Variants in MTR observed in about 807,000 individuals in gnomAD.
The protein encoded by MTR is 5-methyltetrahydrofolate-homocysteine methyltransferase, also known as methionine synthase.
Under a neutral mutation model 154.8 loss-of-function variants are expected in MTR, and 84 were observed. The ratio of observed to expected loss-of-function variants is 0.54; its 90% CI spans 0.45 to 0.65. The LOEUF (loss-of-function observed/expected upper bound fraction) is 0.65. Ranked by LOEUF, MTR falls within the 30% of genes least tolerant of loss-of-function variation. MTR has a pLI of 0.00. For missense variants in MTR, 1,275 were observed against 1,570.2 expected, an observed-to-expected ratio of 0.81 and a Z score of 3.18; for synonymous variants, 554 against 553.9, an observed-to-expected ratio of 1.00 and a Z score of 0.00.
Position 236,898,491 on chromosome 1 carries a change from C to G in MTR, c.*847C>G, listed in dbSNP as rs926699768. ...CTCGGCTCATAGCAAGCTCCGCCTC[C>G]TGGGTTCATGCCATTCTCCTGCCTC... On this transcript the variant is annotated 3_prime_UTR_variant, in exon 33 of 33. Coordinates refer to ENST00000366577, the MANE Select transcript of MTR (RefSeq NM_000254.3). 2 of 151,842 alleles carry G rather than the reference C, an allele frequency of 1.3e-5. No homozygotes were observed. The highest frequency in any genetic ancestry group is 2.9e-5 in the Non-Finnish European group (2 of 68,020). The allele number at this position is 151,842 out of a possible 1,614,324, so 9.4% of individuals were successfully genotyped here.
At chr1:236,815,824 T>TA (rs1242867004) in intron 7 of MTR, among the ~76,000 whole-genome samples, 161 bp downstream of exon 7, 1 of 152,164 alleles carries the variant, frequency 6.6e-6, no homozygotes, top group Non-Finnish European at 1.5e-5. Context: ...TCTGGACCAA[T>TA]AACAGTCTTA....
chr1:236,834,609 A>T (rs1038971342), intron 13 of MTR, among the ~76,000 whole-genome samples: 4 of 147,662 alleles, frequency 2.7e-5, no homozygotes, highest in Admixed American at 1.4e-4. Flanking sequence ...AAAAGTTTCT[A>T]TTTTTTTTTT....
At chr1:236,803,359 T>C in intron 1 of MTR, 69 bp from the exon 2 acceptor site, 1 of 1,439,162 alleles carries the variant, frequency 6.9e-7, no homozygotes, top group Non-Finnish European at 9.7e-7. Context: ...TAAATTTCTC[T>C]AAAGCTCCTC....
rs1558286666 is a variant in MTR, at chr1:236,821,790, G to A, written c.765-2329G>A. Among the ~76,000 whole-genome samples, 8 of 152,302 alleles carry A rather than the reference G, an allele frequency of 5.3e-5. No individual in the cohort carries two copies. The South Asian group carries it at 1.7e-3, about 32-fold the overall frequency. On this transcript the variant is annotated intron_variant, in intron 8 of 32. Coordinates refer to ENST00000366577, the MANE Select transcript of MTR (RefSeq NM_000254.3). ...CTTTTTCAAATGCAGATGCCCAGTT[G>A]TTCCAGCACCATTTATTGGAAAGAA...
intron 18 of MTR, among the ~76,000 whole-genome samples, chr1:236,854,981 C>CCT (rs2103264780): frequency 6.6e-6 from 1 of 152,256 alleles, no homozygotes; most frequent in African/African-American, 2.4e-5. Flanking sequence ...AAGCCACTGA[C>CCT]CTCTCTGTCA....
chr1:236,799,735 T>TA (rs1235167680), intron 1 of MTR, among the ~76,000 whole-genome samples: 1 of 151,858 alleles, frequency 6.6e-6, no homozygotes. Context: ...TATTTTTGTC[T>TA]ATGGTGACTT....
intron 29 of MTR, 150 bp from the exon 30 acceptor site, chr1:236,894,207 T>G (rs1666490683): frequency 2.8e-6 from 2 of 715,052 alleles, no homozygotes; most frequent in Middle Eastern, 2.9e-4. Flanking sequence ...TTCCAAGTAC[T>G]GGGGATGTAA....
At chr1:236,806,375 G>A (rs1660986444) in intron 3 of MTR, 142 bp downstream of exon 3, 1 of 746,978 alleles carries the variant, frequency 1.3e-6, no homozygotes, top group Admixed American at 2.0e-5. Flanking sequence ...AGGGAAAATG[G>A]TGTGAATCCT....
chr1:236,828,885 C>T (rs903308123), intron 11 of MTR, among the ~76,000 whole-genome samples: 1 of 151,986 alleles, frequency 6.6e-6, no homozygotes, highest in Non-Finnish European at 1.5e-5. Context: ...AGGAAGTTTG[C>T]TGTTTGTATT....
chr1:236,825,133 C>T (rs1259329843), intron 9 of MTR, among the ~76,000 whole-genome samples: 1 of 76,106 alleles, frequency 1.3e-5, no homozygotes, highest in African/African-American at 6.0e-5. Flanking sequence ...GTTCATTTTC[C>T]TCTGTGATTT....
chr1:236,886,280 G>GT lies in MTR; in HGVS notation c.2776-6dup, dbSNP rs1206652090. 3 of 1,612,768 alleles carry GT rather than the reference G, an allele frequency of 1.9e-6. No individual in the cohort carries two copies. Among genetic ancestry groups the GT allele is most frequent in the East Asian group, 2.2e-5 (1 of 44,890 alleles). On this transcript the variant is annotated splice_polypyrimidine_tract_variant and intron_variant, in intron 26 of 32. Transcript: ENST00000366577. The stretch of plus-strand genomic sequence containing the variant: ...AAGAGTGTCTAACTAATTTTTCTTT[G>GT]TTTTTTAACAGGAGAGGAGATACTT...
chr1:236,833,487 G>A (rs1351710738), intron 13 of MTR, among the ~76,000 whole-genome samples: 1 of 152,118 alleles, frequency 6.6e-6, no homozygotes, highest in Non-Finnish European at 1.5e-5. Context: ...GGCTTGGGGA[G>A]GTTAAATGAC....
At chr1:236,845,616 T>G (rs896901066) in intron 15 of MTR, among the ~76,000 whole-genome samples, 7 of 152,168 alleles carry the variant, frequency 4.6e-5, no homozygotes, top group Non-Finnish European at 7.4e-5. Flanking sequence ...CCAACATTAT[T>G]GAAAATGTAA....
chr1:236,852,699 A>T, intron 17 of MTR, 62 bp downstream of exon 17: 1 of 1,459,606 alleles, frequency 6.9e-7, no homozygotes, highest in Non-Finnish European at 9.6e-7. Context: ...GGGGTTTTCA[A>T]AGTGTGGCAT....
At chr1:236,813,646 A>G (rs945072629) in intron 6 of MTR, among the ~76,000 whole-genome samples, 12 of 152,020 alleles carry the variant, frequency 7.9e-5, no homozygotes, top group African/African-American at 2.7e-4. Flanking sequence ...ATCTTTCTTC[A>G]GTTTTAGAGC....
chr1:236,829,453 A>C lies in MTR; in HGVS notation c.1075+185A>C, dbSNP rs2275400. Among the ~76,000 whole-genome samples the C allele has an allele frequency of 2.8e-3, 427 of 152,304 alleles. 22 individuals carry two copies. The East Asian group carries it at 0.074, about 27-fold the overall frequency. ...GTTTTTCCAGGGCTGGGGCAAGATG[A>C]CGTCAACTTTAGGGTAAAAGTGAAG... On this transcript the variant is annotated intron_variant, in intron 12 of 32. Coordinates refer to ENST00000366577, the MANE Select transcript of MTR (RefSeq NM_000254.3).
At chr1:236,800,073 A>G (rs1412442629) in intron 1 of MTR, 2 of 985,246 alleles carry the variant, frequency 2.0e-6, no homozygotes, top group Non-Finnish European at 2.4e-6. Flanking sequence ...TGAAAAGGGA[A>G]TACAGTAAGG....
In MTR at chr1:236,855,278, C is replaced by T. The variant is rs770027357; in HGVS notation, c.1953+2190C>T. 3.2e-4 allele frequency among the ~76,000 whole-genome samples: 48 copies of T among 152,344 alleles called. 1 individual carries two copies. The Middle Eastern group carries it at 0.01, about 32-fold the overall frequency. ...GAAACTAGTGGGAAGAGTATAGCCT[C>T]TGATCTTCCAAGGCTCTCTAATCTC... On this transcript the variant is annotated intron_variant, in intron 18 of 32. Transcript: ENST00000366577.
intron 26 of MTR, 65 bp from the exon 27 acceptor site, chr1:236,886,227 A>G (rs1572332995): frequency 7.5e-7 from 1 of 1,332,940 alleles, no homozygotes; most frequent in Non-Finnish European, 1.1e-6. Context: ...CTTCTTGGAC[A>G]TGTTTTCACA....
Sources: allele counts gnomAD v4.1 joint callset (sites outside exome capture counted in the v4.1 genomes callset), GRCh38; gene constraint gnomAD v4.1.1; transcripts MANE v1.5; gene names NCBI Gene and HGNC (gene_info 2026-07-23, HGNC 2026-07-21).